The following GRID1 variants were observed in gnomAD, a reference collection of about 807,000 sequenced individuals.
GRID1 encodes glutamate receptor ionotropic, delta-1.
In GRID1, 28 loss-of-function variants were observed where a neutral mutation model predicts 98.0. The observed-to-expected ratio is 0.29, with a 90% CI of 0.21 to 0.39. GRID1 has a LOEUF of 0.39. Among genes scored for constraint, GRID1 ranks in the 10% least tolerant of loss-of-function variants. The pLI, the probability that GRID1 is intolerant of heterozygous loss-of-function variation, is 1.00. For synonymous variants in GRID1, 553 were observed against 538.5 expected (o/e 1.03, Z -0.37); for missense variants, 1,111 against 1,340.5 (o/e 0.83, Z 2.67).
intron 8 of GRID1, among the ~76,000 whole-genome samples, chr10:85,784,820 G>A (rs114888142): frequency 0.021 from 3,174 of 152,252 alleles, 114 homozygotes; most frequent in African/African-American, 0.071. Flanking sequence ...TGAAACATTT[G>A]GTAAACACAA....
intron 4 of GRID1, among the ~76,000 whole-genome samples, chr10:86,129,993 C>T (rs1844809851): frequency 6.6e-6 from 1 of 152,260 alleles, no homozygotes; most frequent in Admixed American, 6.5e-5. Flanking sequence ...AACTCCGCTG[C>T]TGCCACATGA....
intron 3 of GRID1, among the ~76,000 whole-genome samples, chr10:86,156,764 C>T (rs1268764321): frequency 2.0e-5 from 3 of 152,202 alleles, no homozygotes; most frequent in Non-Finnish European, 2.9e-5. Flanking sequence ...AAGTCATGTC[C>T]AGGTGATCTC....
intron 2 of GRID1, among the ~76,000 whole-genome samples, chr10:86,355,008 A>G (rs1745269149): frequency 6.6e-6 from 1 of 152,220 alleles, no homozygotes; most frequent in Non-Finnish European, 1.5e-5. Flanking sequence ...TGCCCAGCCC[A>G]GAACAGGAAG....
chr10:86,190,902 G>A (rs943045207), intron 3 of GRID1, among the ~76,000 whole-genome samples: 5 of 147,926 alleles, frequency 3.4e-5, no homozygotes, highest in South Asian at 2.2e-4. Flanking sequence ...GAGTGTGTAC[G>A]TGCATGCATG....
At chr10:85,937,394 A>G (rs1302906813) in intron 4 of GRID1, among the ~76,000 whole-genome samples, 1 of 152,202 alleles carries the variant, frequency 6.6e-6, no homozygotes, top group African/African-American at 2.4e-5. Context: ...TCAGAAAACT[A>G]AAACTGTTAT....
At chr10:86,307,950 A>G (rs1261167132) in intron 2 of GRID1, among the ~76,000 whole-genome samples, 1 of 152,124 alleles carries the variant, frequency 6.6e-6, no homozygotes, top group African/African-American at 2.4e-5. Flanking sequence ...CTACATATAC[A>G]ATCTCCTGTT....
intron 9 of GRID1, 119 bp from the exon 10 acceptor site, chr10:85,728,171 T>G (rs778587687): frequency 1.3e-6 from 1 of 775,192 alleles, no homozygotes; most frequent in Non-Finnish European, 2.2e-6. Context: ...AATTTAGGAC[T>G]TCAGGCTCAA....
chr10:86,179,198 C>G (rs1845619276), intron 3 of GRID1, among the ~76,000 whole-genome samples: 1 of 133,660 alleles, frequency 7.5e-6, no homozygotes, highest in African/African-American at 3.0e-5. Context: ...CCAAAGCAAG[C>G]CCAGCTACCT....
intron 4 of GRID1, among the ~76,000 whole-genome samples, chr10:86,019,836 A>C (rs552108410): frequency 5.9e-5 from 9 of 152,350 alleles, no homozygotes; most frequent in African/African-American, 2.2e-4. Context: ...ATGTATACCC[A>C]GGGCCAGGGT....
intron 4 of GRID1, among the ~76,000 whole-genome samples, chr10:86,021,494 C>A (rs11201873): frequency 0.34 from 51,422 of 151,752 alleles, 9,382 homozygotes; most frequent in South Asian, 0.49. Context: ...TTACTCTTTT[C>A]TTCTGCTTGA....
intron 8 of GRID1, among the ~76,000 whole-genome samples, chr10:85,816,599 T>C (rs1462083249): frequency 1.3e-5 from 2 of 152,238 alleles, no homozygotes; most frequent in Non-Finnish European, 2.9e-5. Flanking sequence ...TGTTACCATG[T>C]TGGTGGATAC....
intron 4 of GRID1, among the ~76,000 whole-genome samples, chr10:86,040,020 C>G (rs563683749): frequency 6.6e-6 from 1 of 152,106 alleles, no homozygotes; most frequent in Admixed American, 6.5e-5. Flanking sequence ...CTCCACAGAA[C>G]GGGATGCAAT....
intron 2 of GRID1, among the ~76,000 whole-genome samples, chr10:86,336,609 G>A (rs565851228): frequency 3.3e-5 from 5 of 152,304 alleles, no homozygotes; most frequent in South Asian, 2.1e-4. Flanking sequence ...CTGGAACCCC[G>A]TGGTGTCCCC....
intron 8 of GRID1, among the ~76,000 whole-genome samples, chr10:85,821,516 C>CAAAAAAAAAAAA (rs1157209045): frequency 9.9e-4 from 9 of 9,114 alleles, no homozygotes; most frequent in South Asian, 6.3e-3. Context: ...GACTTCATCT[C>CAAAAAAAAAAAA]AAAAAAAAAA....
intron 4 of GRID1, among the ~76,000 whole-genome samples, chr10:86,136,451 G>A (rs1341755053): frequency 6.6e-6 from 1 of 152,228 alleles, no homozygotes; most frequent in Non-Finnish European, 1.5e-5. Flanking sequence ...AGATGGAAGA[G>A]AGGGGCTCTG....
intron 8 of GRID1, among the ~76,000 whole-genome samples, chr10:85,775,816 G>C (rs1240983306): frequency 6.6e-6 from 1 of 152,046 alleles, no homozygotes; most frequent in Non-Finnish European, 1.5e-5. Flanking sequence ...ACAACATTAG[G>C]CATCTCTTCA....
At chr10:86,252,135 C>G (rs1054390780) in intron 2 of GRID1, among the ~76,000 whole-genome samples, 3 of 152,230 alleles carry the variant, frequency 2.0e-5, no homozygotes, top group Non-Finnish European at 4.4e-5. Flanking sequence ...ACCCACGGCC[C>G]TAGGGTGCTC....
At chr10:85,834,169 T>C (rs1842893227) in intron 8 of GRID1, among the ~76,000 whole-genome samples, 1 of 152,168 alleles carries the variant, frequency 6.6e-6, no homozygotes, top group Non-Finnish European at 1.5e-5. Flanking sequence ...AATAAATCCA[T>C]GTCAAGACAT....
chr10:85,783,849 A>G (rs11201795), intron 8 of GRID1, among the ~76,000 whole-genome samples: 18,027 of 151,854 alleles, frequency 0.12, 1,235 homozygotes, highest in Middle Eastern at 0.22. Context: ...CCAAAATAAA[A>G]CCTCCCAAGA....
Sources: allele counts gnomAD v4.1 joint callset (sites outside exome capture counted in the v4.1 genomes callset), GRCh38; gene constraint gnomAD v4.1.1; transcripts MANE v1.5; gene names NCBI Gene and HGNC (gene_info 2026-07-23, HGNC 2026-07-21).